The following ANKRD36C variants were observed in gnomAD, a reference collection of about 807,000 sequenced individuals.
ANKRD36C encodes the protein ankyrin repeat domain-containing protein 36C.
A neutral mutation model predicts 276.4 loss-of-function variants in ANKRD36C; 61 were observed. That is an observed-to-expected ratio of 0.22 (90% CI 0.18 to 0.27). ANKRD36C has a LOEUF of 0.27. ANKRD36C is among the 10% of genes least tolerant of loss of function. The pLI is 1.00. For missense variants in ANKRD36C, 1,447 were observed against 2,032.3 expected, an observed-to-expected ratio of 0.71 and a Z score of 5.54; for synonymous variants, 483 against 680.1, an observed-to-expected ratio of 0.71 and a Z score of 4.51.
Position 95,915,630 on chromosome 2 carries a change from G to C in ANKRD36C, c.2449+350C>G, listed in dbSNP as rs528588314. Reference sequence around the variant, plus strand: ...CTTTTCTGTCTGTTTTTAGCCCTATGATGTGACGTCTGTAAAATCTGTACT... The same window carrying C: ...CTTTTCTGTCTGTTTTTAGCCCTATCATGTGACGTCTGTAAAATCTGTACT... On this transcript the variant is annotated intron_variant, in intron 38 of 66. Transcript: ENST00000456556. Among the ~76,000 whole-genome samples the C allele has an allele frequency of 1.3e-4, 19 of 151,546 alleles. No individual in the cohort carries two copies. The South Asian group carries it at 1.9e-3, about 15-fold the overall frequency.
In ANKRD36C at chr2:95,920,651, T is replaced by C. The variant is rs1319692593; in HGVS notation, c.2245+956A>G. Reference sequence around the variant, plus strand: ...TCAATTTTGACATACTTCTACAAAGTAAAACTGCTACAAGCATTAGATATT... The same window carrying C: ...TCAATTTTGACATACTTCTACAAAGCAAAACTGCTACAAGCATTAGATATT... On this transcript the variant is annotated intron_variant, in intron 34 of 66. Coordinates refer to ENST00000456556, the Ensembl canonical transcript of ANKRD36C. 4.5e-5 allele frequency among the ~76,000 whole-genome samples: 6 copies of C among 132,850 alleles called. 2 individuals carry two copies. Among genetic ancestry groups the C allele is most frequent in the African/African-American group, 1.6e-4 (6 of 38,184 alleles). The allele number at this position is 132,850 out of a possible 152,430, so 87.2% of individuals were successfully genotyped here.
chr2:95,959,238 G>A (rs1349102100), intron 10 of ANKRD36C, among the ~76,000 whole-genome samples: 1 of 151,958 alleles, frequency 6.6e-6, no homozygotes, highest in Non-Finnish European at 1.5e-5. Context: ...TGACAATTGA[G>A]CAGGTAAACA....
chr2:95,897,048 T>C (rs1676570925), intron 44 of ANKRD36C, among the ~76,000 whole-genome samples: 2 of 149,770 alleles, frequency 1.3e-5, no homozygotes, highest in African/African-American at 4.9e-5. Context: ...TCCATATTTC[T>C]TCTTCCCAAT....
intron 24 of ANKRD36C, among the ~76,000 whole-genome samples, chr2:95,931,534 G>A (rs1677568626): frequency 6.7e-6 from 1 of 150,326 alleles, no homozygotes; most frequent in Non-Finnish European, 1.5e-5. Context: ...ATGCTTTCCA[G>A]AGAAACAAGC....
exon 54 of ANKRD36C, chr2:95,884,226 T>C (rs1369478083): frequency 1.2e-6 from 2 of 1,609,974 alleles, no homozygotes; most frequent in Admixed American, 1.7e-5. Context: ...CGAAACAGAA[T>C]CTTTCTCATC....
At chr2:95,902,778 C>T in intron 42 of ANKRD36C, 108 bp downstream of exon 54, 1 of 1,315,148 alleles carries the variant, frequency 7.6e-7, no homozygotes, top group Non-Finnish European at 1.0e-6. Context: ...CTCAGGACTG[C>T]TGAATCAGAA....
intron 59 of ANKRD36C, among the ~76,000 whole-genome samples, chr2:95,870,540 G>A (rs1468045577): frequency 6.6e-6 from 1 of 152,120 alleles, no homozygotes; most frequent in Non-Finnish European, 1.5e-5. Flanking sequence ...AAGACCAAAA[G>A]TAGATAAAAC....
At chr2:95,986,538 T>C in intron 3 of ANKRD36C, 1 of 578,068 alleles carries the variant, frequency 1.7e-6, no homozygotes, top group Non-Finnish European at 2.8e-6. Flanking sequence ...GTATAATTAT[T>C]TACCATAAGT....
chr2:95,986,596 A>T lies in ANKRD36C; in HGVS notation c.486+155T>A, dbSNP rs1396573126. 3 of 1,097,270 alleles carry T rather than the reference A, an allele frequency of 2.7e-6. No homozygotes were observed. The African/African-American group carries it at 4.8e-5, about 17-fold the overall frequency. 68.0% of individuals were successfully genotyped at this position (1,097,270 alleles called of 1,614,324 possible). A position where few individuals can be genotyped will look rare whatever the true frequency, so the allele number is the denominator to read the frequency against. ...ATAATGCTTCTTTAAAAGTTCCAAA[A>T]TTTAAAGTAAAATCTTAGACAGTTA... is the stretch of plus-strand genomic sequence containing the variant. On this transcript the variant is annotated intron_variant, in intron 3 of 66. Transcript: ENST00000456556.
chr2:95,922,893 A>G (rs1677309176), intron 32 of ANKRD36C, among the ~76,000 whole-genome samples: 1 of 151,648 alleles, frequency 6.6e-6, no homozygotes, highest in Non-Finnish European at 1.5e-5. Context: ...TTCATCCAGT[A>G]GTTCCTGGAG....
intron 59 of ANKRD36C, among the ~76,000 whole-genome samples, chr2:95,874,440 A>G (rs1024556760): frequency 6.6e-6 from 1 of 152,244 alleles, no homozygotes; most frequent in Admixed American, 6.5e-5. Flanking sequence ...AGGATTCCCT[A>G]TTTAATAAAT....
rs1677160354 is a variant in ANKRD36C at position 95,918,179 on chromosome 2, T to C, written c.2246-137A>G. ...CTCTGATGTCTTCTACTTTGTGTCTTGGGACTGGAACATGACAGAAGTACA... is the reference window on the plus strand; with the variant it reads ...CTCTGATGTCTTCTACTTTGTGTCTCGGGACTGGAACATGACAGAAGTACA... On this transcript the variant is annotated intron_variant, in intron 34 of 66. Transcript: ENST00000456556. 5 of 1,399,864 alleles carry C rather than the reference T, an allele frequency of 3.6e-6. No homozygotes were observed. The East Asian group carries it at 1.0e-4, about 28-fold the overall frequency. 86.7% of individuals were successfully genotyped at this position (1,399,864 alleles called of 1,614,324 possible).
chr2:95,967,756 A>G (rs12623771), intron 6 of ANKRD36C, among the ~76,000 whole-genome samples: 61,682 of 151,670 alleles, frequency 0.41, 13,419 homozygotes, highest in East Asian at 0.66. Flanking sequence ...AGGAGTTTGA[A>G]AACAGACTGG....
At chr2:95,946,830 T>C (rs1427792070) in intron 17 of ANKRD36C, among the ~76,000 whole-genome samples, 1 of 151,758 alleles carries the variant, frequency 6.6e-6, no homozygotes, top group East Asian at 1.9e-4. Flanking sequence ...ACACCGCATA[T>C]TCTCACTCAT....
chr2:95,894,117 G>A, intron 44 of ANKRD36C: 1 of 275,236 alleles, frequency 3.6e-6, no homozygotes, highest in Non-Finnish European at 6.9e-6. Context: ...AAATCAAAAG[G>A]ATTTACACCA....
chr2:95,965,392 G>A (rs1269371655), intron 6 of ANKRD36C, among the ~76,000 whole-genome samples: 7 of 152,076 alleles, frequency 4.6e-5, no homozygotes, highest in African/African-American at 9.7e-5. Context: ...ACATTCATGA[G>A]GGGGAGCCAA....
rs1479970886 is a variant in ANKRD36C at position 95,902,745 on chromosome 2, C to A, written c.2654-3409G>T. On this transcript the variant is annotated intron_variant, in intron 42 of 66. Coordinates refer to ENST00000456556, the Ensembl canonical transcript of ANKRD36C. Reference sequence around the variant, plus strand: ...AGACCAGCATCATCATCATCACCCACAAACTTATTTGAAATGAAGAATCTC... The same window carrying A: ...AGACCAGCATCATCATCATCACCCAAAAACTTATTTGAAATGAAGAATCTC... The A allele has an allele frequency of 1.7e-4, 195 of 1,146,856 alleles. 3 individuals are homozygous for A. The East Asian group carries it at 4.3e-3, about 25-fold the overall frequency. The allele number at this position is 1,146,856 out of a possible 1,614,324, so 71.0% of individuals were successfully genotyped here. A position where few individuals can be genotyped will look rare whatever the true frequency, so the allele number is the denominator to read the frequency against.
rs780455243 is a variant in ANKRD36C at position 95,889,801 on chromosome 2, G to A, written c.2957C>T (p.Thr986Ile). 12 of 1,586,566 alleles carry A rather than the reference G, an allele frequency of 7.6e-6. 2 individuals carry two copies. The South Asian group carries it at 1.2e-4, about 16-fold the overall frequency. The change falls in exon 48 of 67, where the codon ACA (threonine) becomes ATA (isoleucine). Residue 986 changes from threonine to isoleucine, a missense_variant and splice_region_variant. Around this residue, in one of 13 missense-constraint regions of ANKRD36C, gnomAD observed 565 missense variants for 539.5 expected, o/e 1.05. Transcript: ENST00000456556. ...ATTAAATGTGTTTGCAAAATTACCT[G>A]TCCCAGATATTTGTTCATCCTTTGT...
At chr2:95,915,987 A>G in exon 38 of ANKRD36C, 1 of 1,550,242 alleles carries the variant, frequency 6.5e-7, no homozygotes, top group Non-Finnish European at 8.7e-7. Flanking sequence ...TACCTGTCCT[A>G]GATATTTCTC....
Sources: gnomAD v4.1 joint callset for allele counts (sites outside exome capture counted in the v4.1 genomes callset) on GRCh38, gnomAD v4.1.1 for gene constraint, gnomAD v4.1.1 regional missense constraint, MANE v1.5 for transcripts, NCBI Gene and HGNC (gene_info 2026-07-23, HGNC 2026-07-21) for gene names.